Variants in PSMD4 observed in about 807,000 individuals in gnomAD.
The protein encoded by PSMD4 is proteasome 26S subunit ubiquitin receptor, non-ATPase 4, also known as 26S proteasome non-ATPase regulatory subunit 4.
A neutral mutation model predicts 39.7 loss-of-function variants in PSMD4; 5 were observed. The ratio of observed to expected loss-of-function variants is 0.13; its 90% CI spans 0.07 to 0.26. PSMD4 has a LOEUF of 0.26. PSMD4 is among the 10% of genes least tolerant of loss of function. PSMD4 has a pLI of 1.00. For missense variants in PSMD4, 272 were observed against 486.1 expected (o/e 0.56, Z 4.14); for synonymous variants, 143 against 174.6 (o/e 0.82, Z 1.43).
In PSMD4 at chr1:151,264,883, T is replaced by C. The variant is rs1025775716; in HGVS notation, c.334T>C (p.Phe112Leu). ...GAATCACAAGATGCGCATCATTGCC[T>C]TTGTGGGAAGCCCAGTGGAGGACAA... ...GKNHKMRIIA[F>L]VGSPVEDNEK... is the part of the protein sequence containing the mutation. Residue 112 changes from phenylalanine to leucine, a missense_variant, in exon 4 of 10, where the codon TTT (phenylalanine) becomes CTT (leucine). By Grantham distance (22) the Phe-to-Leu change is conservative (BLOSUM62 0). Coordinates refer to ENST00000368884, the MANE Select transcript of PSMD4 (RefSeq NM_002810.4). 6.2e-7 allele frequency: 1 copy of C among 1,613,760 alleles called. No homozygotes were observed. Among genetic ancestry groups the C allele is most frequent in the African/African-American group, 1.3e-5 (1 of 75,042 alleles).
Position 151,262,205 on chromosome 1 carries a change from C to T in PSMD4, c.71C>T (p.Thr24Ile). The T allele has an allele frequency of 6.2e-7, 1 of 1,614,186 alleles. No individual in the cohort carries two copies. The part of the protein sequence containing the change: ...EYMRNGDFLP[T>I]RLQAQQDAVN... ...ATGCGGAATGGAGACTTCTTACCCA[C>T]CAGGCTGCAGGCCCAGCAGGATGCT... Residue 24 changes from threonine (T) to isoleucine (I), a missense_variant, in exon 2 of 10, where the codon ACC (threonine) becomes ATC (isoleucine). Thr to Ile is a moderately conservative substitution (Grantham distance 89, BLOSUM62 -1). Transcript: ENST00000368884.
intron 1 of PSMD4, among the ~76,000 whole-genome samples, chr1:151,258,128 A>C (rs1693220909): frequency 6.6e-6 from 1 of 151,632 alleles, no homozygotes. Flanking sequence ...GGTTCAAATG[A>C]TTCTCCTGTC....
rs1693340263 is a variant in PSMD4 at position 151,262,595 on chromosome 1, C to CAG, written c.167+294_167+295insAG. The CAG allele has an allele frequency of 1.1e-5, 4 of 348,404 alleles. No homozygotes were observed. In the East Asian group the frequency reaches 1.9e-4, roughly 17 times the overall value. The allele number at this position is 348,404 out of a possible 1,614,324, so 21.6% of individuals were successfully genotyped here. On this transcript the variant is annotated intron_variant, in intron 2 of 9. Coordinates refer to ENST00000368884, the MANE Select transcript of PSMD4 (RefSeq NM_002810.4). ...AAAGTCAGTGAAAAGTGATTTTGGG[C>CAG]TGGGCACAGTGGCTCATGTCTGTAA...
At chr1:151,261,615 A>G (rs1486625592) in intron 1 of PSMD4, among the ~76,000 whole-genome samples, 1 of 152,202 alleles carries the variant, frequency 6.6e-6, no homozygotes, top group Non-Finnish European at 1.5e-5. Flanking sequence ...TCATCAGTAG[A>G]TCACCACCTT....
At chr1:151,260,044 C>T (rs929847680) in intron 1 of PSMD4, among the ~76,000 whole-genome samples, 3 of 151,876 alleles carry the variant, frequency 2.0e-5, no homozygotes, top group Non-Finnish European at 4.4e-5. Flanking sequence ...ACTAAAAATA[C>T]AAAATTAGCC....
At chr1:151,264,756 A>C in intron 3 of PSMD4, 76 bp from the exon 4 acceptor site, 1 of 1,231,196 alleles carries the variant, frequency 8.1e-7, no homozygotes, top group Non-Finnish European at 1.2e-6. Flanking sequence ...CTGTAAGAAA[A>C]AGGGAACCGA....
chr1:151,255,503 C>T (rs1693144485), intron 1 of PSMD4, among the ~76,000 whole-genome samples: 1 of 152,170 alleles, frequency 6.6e-6, no homozygotes, highest in Non-Finnish European at 1.5e-5. Context: ...GGCTGAGTAC[C>T]TATTACGAGT....
chr1:151,262,229 C>T lies in PSMD4; in HGVS notation c.95C>T (p.Ala32Val). 6.2e-7 allele frequency: 1 copy of T among 1,614,196 alleles called. No homozygotes were observed. Among genetic ancestry groups the T allele is most frequent in the Non-Finnish European group, 8.5e-7 (1 of 1,180,020 alleles). The stretch of plus-strand genomic sequence containing the variant: ...ACCAGGCTGCAGGCCCAGCAGGATG[C>T]TGTCAACATAGTTTGTCATTCAAAG... ...LPTRLQAQQDAVNIVCHSKTR... is the reference protein window; with the variant it reads ...LPTRLQAQQDVVNIVCHSKTR... Residue 32 changes from alanine (A) to valine (V), a missense_variant, in exon 2 of 10, where the codon GCT becomes GTT. Coordinates refer to ENST00000368884, the MANE Select transcript of PSMD4 (RefSeq NM_002810.4).
chr1:151,256,571 T>A (rs915891583), intron 1 of PSMD4, among the ~76,000 whole-genome samples: 16 of 149,946 alleles, frequency 1.1e-4, no homozygotes, highest in African/African-American at 3.7e-4. Flanking sequence ...CCTGAGTAAC[T>A]GGGATTACAG....
chr1:151,254,856 C>A (rs1693126973), intron 1 of PSMD4, 48 bp downstream of exon 1: 3 of 1,191,960 alleles, frequency 2.5e-6, no homozygotes, highest in African/African-American at 1.7e-5. Flanking sequence ...GTTCCGGGCG[C>A]GTGTAGCGCC....
At chr1:151,258,931 T>A (rs1693247339) in intron 1 of PSMD4, 1 of 152,114 alleles carries the variant, frequency 6.6e-6, no homozygotes, top group South Asian at 2.1e-4. Flanking sequence ...ATATGTGAAA[T>A]GGCCAGGTGC....
intron 1 of PSMD4, among the ~76,000 whole-genome samples, chr1:151,261,896 A>C (rs1403758464): frequency 1.3e-5 from 2 of 149,458 alleles, no homozygotes. Context: ...TGGAAGCTGC[A>C]GTGAGCCATT....
chr1:151,264,501 C>G (rs1478902537), intron 3 of PSMD4, among the ~76,000 whole-genome samples: 1 of 151,538 alleles, frequency 6.6e-6, no homozygotes, highest in African/African-American at 2.4e-5. Flanking sequence ...TTAGCCAGTA[C>G]TAGGAAGGCT....
At chr1:151,261,580 G>T (rs1461053123) in intron 1 of PSMD4, among the ~76,000 whole-genome samples, 1 of 152,208 alleles carries the variant, frequency 6.6e-6, no homozygotes, top group Non-Finnish European at 1.5e-5. Context: ...GCACTTAAGT[G>T]CAGCTTGTAA....
chr1:151,262,284 C>G lies in PSMD4; in HGVS notation c.150C>G (p.Gly50=), dbSNP rs767417606. The change falls in exon 2 of 10, where the codon GGC becomes GGG. Residue 50 remains glycine, a synonymous_variant. Coordinates refer to ENST00000368884, the MANE Select transcript of PSMD4 (RefSeq NM_002810.4). ...KTRSNPENNV[G]LITLANDCEV... is the part of the protein sequence containing the mutation. Reference sequence around the variant, plus strand: ...GCAGCAACCCTGAGAACAACGTGGGCCTTATCACACTGGCTAAGTATGGGG... The same window carrying G: ...GCAGCAACCCTGAGAACAACGTGGGGCTTATCACACTGGCTAAGTATGGGG... 3 of 1,614,152 alleles carry G rather than the reference C, an allele frequency of 1.9e-6. No homozygotes were observed. Among genetic ancestry groups the G allele is most frequent in the Admixed American group, 3.3e-5 (2 of 60,006 alleles).
At chr1:151,261,816 G>A (rs140330812) in intron 1 of PSMD4, among the ~76,000 whole-genome samples, 18 of 152,068 alleles carry the variant, frequency 1.2e-4, no homozygotes, top group African/African-American at 4.1e-4. Flanking sequence ...AGGTAGCTGC[G>A]TGGTGGCTTG....
chr1:151,265,745 C>A, intron 6 of PSMD4, 136 bp downstream of exon 6: 1 of 1,036,374 alleles, frequency 9.6e-7, no homozygotes, highest in Non-Finnish European at 1.4e-6. Flanking sequence ...CTCCTTTTGC[C>A]GCCTCTTCCC....
At chr1:151,266,715 T>C (rs1236027853) in intron 9 of PSMD4, 128 bp downstream of exon 9, 15 of 1,134,294 alleles carry the variant, frequency 1.3e-5, no homozygotes, top group Admixed American at 8.1e-5. Context: ...TGGATTTGCA[T>C]TTCTTACATG....
intron 1 of PSMD4, among the ~76,000 whole-genome samples, chr1:151,258,479 GAGA>G (rs1558320187): frequency 1.2e-5 from 1 of 82,318 alleles, no homozygotes; most frequent in African/African-American, 4.6e-5. Flanking sequence ...TTTTTTGGGG[GAGA>G]CAGGGTCTCA....
Sources: allele counts gnomAD v4.1 joint callset (sites outside exome capture counted in the v4.1 genomes callset), GRCh38; gene constraint gnomAD v4.1.1; transcripts MANE v1.5; gene names NCBI Gene and HGNC (gene_info 2026-07-23, HGNC 2026-07-21).